RYR3: variants seen among roughly 807,000 people sequenced by gnomAD.
RYR3 encodes the protein brain ryanodine receptor-calcium release channel.
In RYR3, 207 loss-of-function variants were observed where a neutral mutation model predicts 584.3. That is an observed-to-expected ratio of 0.35 (90% CI 0.32 to 0.40). The LOEUF (loss-of-function observed/expected upper bound fraction) is 0.40, where lower values mean the gene tolerates loss of function less well. RYR3 is among the 10% of genes least tolerant of loss of function. The pLI, the probability that RYR3 is intolerant of heterozygous loss-of-function variation, is 1.00. For missense variants in RYR3, 5,616 were observed against 6,089.2 expected, an observed-to-expected ratio of 0.92 and a Z score of 2.59; for synonymous variants, 2,416 against 2,248.5, an observed-to-expected ratio of 1.07 and a Z score of -2.11.
chr15:33,608,674 T>C (rs958380099), intron 18 of RYR3, among the ~76,000 whole-genome samples: 1 of 152,228 alleles, frequency 6.6e-6, no homozygotes, highest in Admixed American at 6.5e-5. Flanking sequence ...CTAGATAATA[T>C]TAGTCCCAAC....
At chr15:33,603,840 C>T (rs796330062) in intron 18 of RYR3, among the ~76,000 whole-genome samples, 33 of 152,362 alleles carry the variant, frequency 2.2e-4, no homozygotes, top group African/African-American at 7.0e-4. Flanking sequence ...AGTCCATAAT[C>T]TTGTCAACAC....
At chr15:33,624,861 C>T (rs1375437426) in intron 20 of RYR3, among the ~76,000 whole-genome samples, 3 of 152,136 alleles carry the variant, frequency 2.0e-5, no homozygotes, top group Non-Finnish European at 4.4e-5. Context: ...AATCATTTCC[C>T]CAATATAGCT....
chr15:33,604,255 C>T (rs920948566), intron 18 of RYR3, among the ~76,000 whole-genome samples: 2 of 152,232 alleles, frequency 1.3e-5, no homozygotes, highest in African/African-American at 2.4e-5. Context: ...TTTACCTCTA[C>T]AGGACAAACC....
At chr15:33,637,802 CTT>C (rs879423671) in intron 27 of RYR3, among the ~76,000 whole-genome samples, 7 of 151,366 alleles carry the variant, frequency 4.6e-5, no homozygotes, top group Non-Finnish European at 8.8e-5. Flanking sequence ...CAAGGTGTTT[CTT>C]TTTTTTTATT....
At chr15:33,498,297 C>G (rs1396621696) in intron 2 of RYR3, among the ~76,000 whole-genome samples, 2 of 152,136 alleles carry the variant, frequency 1.3e-5, no homozygotes, top group Non-Finnish European at 2.9e-5. Context: ...AATTTACATT[C>G]CCACCAACAG....
In RYR3 at chr15:33,669,356, C is replaced by G; in HGVS notation, c.5622C>G (p.Ile1874Met). 2 of 1,613,766 alleles carry G rather than the reference C, an allele frequency of 1.2e-6. No individual in the cohort carries two copies. The highest frequency in any genetic ancestry group is 2.7e-5 in the African/African-American group (2 of 75,034). The change falls in exon 37 of 104, where the codon ATC becomes ATG. Residue 1874 changes from isoleucine (I) to methionine (M), a missense_variant and splice_region_variant. Transcript: ENST00000634891. The stretch of plus-strand genomic sequence containing the variant: ...TATTCTTCTCTTGCCTCTCAAAGAT[C>G]AACATGCTGCTTAACTTTCAACTGG... Reference protein sequence around the residue: ...KEFRSPPQEQINMLLNFQLGE... With the variant: ...KEFRSPPQEQMNMLLNFQLGE...
At chr15:33,714,035 A>C (rs762098577) in intron 43 of RYR3, among the ~76,000 whole-genome samples, 12 of 152,162 alleles carry the variant, frequency 7.9e-5, no homozygotes, top group Admixed American at 1.3e-4. Flanking sequence ...ATTGTAGATG[A>C]AGACCCTGAA....
chr15:33,560,367 TA>T (rs1316026646), intron 10 of RYR3, among the ~76,000 whole-genome samples: 1 of 152,166 alleles, frequency 6.6e-6, no homozygotes, highest in Non-Finnish European at 1.5e-5. Flanking sequence ...TGCTGTTTTG[TA>T]AAAACAAAGA....
rs2077798177 is a variant in RYR3 at position 33,833,045 on chromosome 15, A to T, written c.11464-1923A>T. Among the ~76,000 whole-genome samples, 4 of 151,540 alleles carry T rather than the reference A, an allele frequency of 2.6e-5. No homozygotes were observed. In the South Asian group the frequency reaches 8.3e-4, roughly 32 times the overall value. On this transcript the variant is annotated intron_variant, in intron 86 of 103. Transcript: ENST00000634891. Reference sequence around the variant, plus strand: ...AAGAGCCAAAGGGCTCCGAGTCTCCATAGGACCACGTAGGCTATGGATAGA... The same window carrying T: ...AAGAGCCAAAGGGCTCCGAGTCTCCTTAGGACCACGTAGGCTATGGATAGA...
intron 86 of RYR3, among the ~76,000 whole-genome samples, chr15:33,834,701 C>T (rs2077926743): frequency 6.6e-6 from 1 of 152,124 alleles, no homozygotes; most frequent in Non-Finnish European, 1.5e-5. Flanking sequence ...CCAGTGTAAG[C>T]TTTTGTTTTA....
intron 43 of RYR3, among the ~76,000 whole-genome samples, chr15:33,712,444 A>T (rs185134088): frequency 6.6e-6 from 1 of 152,340 alleles, no homozygotes; most frequent in Admixed American, 6.5e-5. Flanking sequence ...AGGATGTCAG[A>T]AGAAGCAAAA....
At chr15:33,543,854 C>A in intron 8 of RYR3, 139 bp downstream of exon 8, 1 of 687,468 alleles carries the variant, frequency 1.5e-6, no homozygotes. Flanking sequence ...CCATGGGTTC[C>A]GGTTTGTAAA....
intron 20 of RYR3, among the ~76,000 whole-genome samples, chr15:33,625,045 T>C (rs1209325689): frequency 1.3e-5 from 2 of 152,166 alleles, no homozygotes; most frequent in East Asian, 1.9e-4. Context: ...ACTGGGTAAT[T>C]TATAAAGAAA....
At chr15:33,741,498 C>T (rs1006834223) in intron 51 of RYR3, among the ~76,000 whole-genome samples, 4 of 148,222 alleles carry the variant, frequency 2.7e-5, no homozygotes, top group African/African-American at 1.0e-4. Flanking sequence ...TAAGACTGTG[C>T]AATGCAAAGG....
chr15:33,664,589 G>GTATGTGTATATATATATATATATATA (rs1555399465), intron 36 of RYR3, among the ~76,000 whole-genome samples: 1 of 91,354 alleles, frequency 1.1e-5, no homozygotes, highest in African/African-American at 4.4e-5. Flanking sequence ...GTGTGTGTGT[G>GTATGTGTATATATATATATATATATA]TATATATATA....
At chr15:33,787,206 T>C (rs573285432) in intron 66 of RYR3, among the ~76,000 whole-genome samples, 9 of 152,278 alleles carry the variant, frequency 5.9e-5, no homozygotes, top group African/African-American at 2.2e-4. Context: ...CAATTTTAAG[T>C]AGTAACCCCA....
intron 1 of RYR3, among the ~76,000 whole-genome samples, chr15:33,366,751 A>C (rs1008306006): frequency 3.3e-5 from 5 of 152,228 alleles, no homozygotes; most frequent in African/African-American, 1.2e-4. Flanking sequence ...CTGGAGACAC[A>C]GTAGATGGCT....
intron 26 of RYR3, among the ~76,000 whole-genome samples, 168 bp downstream of exon 26, chr15:33,635,987 T>G (rs1164171187): frequency 6.6e-6 from 1 of 152,208 alleles, no homozygotes; most frequent in East Asian, 1.9e-4. Context: ...TTCTTTGCTC[T>G]TCACTCTGTT....
chr15:33,361,335 A>T (rs1463528274), intron 1 of RYR3, among the ~76,000 whole-genome samples: 1 of 152,264 alleles, frequency 6.6e-6, no homozygotes, highest in Admixed American at 6.5e-5. Flanking sequence ...AATTGAAAGG[A>T]TGGCAAGCGA....
Sources: allele counts gnomAD v4.1 joint callset (sites outside exome capture counted in the v4.1 genomes callset), GRCh38; gene constraint gnomAD v4.1.1; transcripts MANE v1.5; gene names NCBI Gene and HGNC (gene_info 2026-07-23, HGNC 2026-07-21).